The following KCNA6 variants were observed in gnomAD, a reference collection of about 807,000 sequenced individuals.
KCNA6 encodes human brain potassium channel-2.
In KCNA6, 17 loss-of-function variants were observed where a neutral mutation model predicts 29.5. The ratio of observed to expected loss-of-function variants is 0.58; its 90% CI spans 0.39 to 0.86. The LOEUF is 0.86. Ranked by LOEUF, KCNA6 falls within the 40% of genes least tolerant of loss-of-function variation. KCNA6 has a pLI of 0.00. For missense variants in KCNA6, 450 were observed against 703.4 expected, an observed-to-expected ratio of 0.64 and a Z score of 4.07; for synonymous variants, 296 against 304.7, an observed-to-expected ratio of 0.97 and a Z score of 0.30.
downstream of KCNA6, among the ~76,000 whole-genome samples, chr12:4,818,373 C>T (rs539424671): frequency 1.4e-4 from 21 of 152,334 alleles, no homozygotes; most frequent in African/African-American, 5.1e-4. Context: ...CAAATCCCTC[C>T]TTTGCTGGGT....
the KCNA6 span, among the ~76,000 whole-genome samples, chr12:4,835,787 C>G: frequency 6.6e-6 from 1 of 152,168 alleles, no homozygotes; most frequent in Non-Finnish European, 1.5e-5. Flanking sequence ...ATGTGTACCC[C>G]GACCTGCTGG....
chr12:4,840,215 C>CTA, the KCNA6 span, among the ~76,000 whole-genome samples: 1,043 of 32,630 alleles, frequency 0.032, 12 homozygotes, highest in East Asian at 0.062. Context: ...ATCTATCTAT[C>CTA]TATCTATCTA....
At chr12:4,825,538 C>A in the KCNA6 span, among the ~76,000 whole-genome samples, 2 of 152,300 alleles carry the variant, frequency 1.3e-5, no homozygotes, top group East Asian at 3.9e-4. Context: ...AAGCTTGTTG[C>A]AATGGATTTG....
chr12:4,850,867 C>T, the KCNA6 span: 1 of 441,580 alleles, frequency 2.3e-6, no homozygotes, highest in South Asian at 1.6e-5. The surrounding 1 kb of genome is among the most constrained non-coding windows in gnomAD (Gnocchi z 5.4). Context: ...CCTGACACCG[C>T]TCTGGAGGCC....
chr12:4,840,231 C>A, the KCNA6 span, among the ~76,000 whole-genome samples: 411 of 104,220 alleles, frequency 3.9e-3, 6 homozygotes, highest in Non-Finnish European at 4.4e-3. Context: ...ATCTATCTAT[C>A]TATCTATCTA....
the KCNA6 span, among the ~76,000 whole-genome samples, chr12:4,837,594 G>A: frequency 2.6e-4 from 39 of 152,098 alleles, no homozygotes; most frequent in Non-Finnish European, 5.7e-4. Flanking sequence ...CATGTTGGTG[G>A]GGAGGAATCC....
chr12:4,846,659 A>G, the KCNA6 span, among the ~76,000 whole-genome samples: 2 of 151,946 alleles, frequency 1.3e-5, no homozygotes, highest in African/African-American at 4.8e-5. Context: ...CCTACATGCA[A>G]ATGCACCAGG....
At chr12:4,833,317 T>C in the KCNA6 span, among the ~76,000 whole-genome samples, 1 of 152,186 alleles carries the variant, frequency 6.6e-6, no homozygotes, top group African/African-American at 2.4e-5. Flanking sequence ...GCATCTGTGG[T>C]CATCTCTAGG....
exon 1 of KCNA6, chr12:4,812,010 T>G (rs148113333): frequency 4.6e-4 from 97 of 211,644 alleles, no homozygotes; most frequent in Non-Finnish European, 7.2e-4. Context: ...GAGTCTTCGC[T>G]CCCTCCTTAG....
At chr12:4,822,098 G>A in the KCNA6 span, among the ~76,000 whole-genome samples, 2 of 152,196 alleles carry the variant, frequency 1.3e-5, no homozygotes, top group East Asian at 1.9e-4. Context: ...GCCTCCCAAA[G>A]TGTTGGGATT....
At chr12:4,843,973 A>G in the KCNA6 span, among the ~76,000 whole-genome samples, 1 of 152,212 alleles carries the variant, frequency 6.6e-6, no homozygotes, top group African/African-American at 2.4e-5. Context: ...TAAGGCTTCC[A>G]AGGAAAACCA....
At chr12:4,841,379 CCTT>C in the KCNA6 span, among the ~76,000 whole-genome samples, 1 of 151,700 alleles carries the variant, frequency 6.6e-6, no homozygotes, top group Non-Finnish European at 1.5e-5. Context: ...GTTTTTTTGT[CCTT>C]ATTTTATAAA....
chr12:4,850,719 T>C, the KCNA6 span: 1 of 411,642 alleles, frequency 2.4e-6, no homozygotes, highest in Non-Finnish European at 4.9e-6. This position sits in a 1 kb window ranked among gnomAD's most constrained non-coding sequence, Gnocchi z 5.4. Context: ...GTCCTTTTGT[T>C]CTGGTTCCTC....
rs1469329562 is a variant in KCNA6, at chr12:4,810,073, C to T, written c.32C>T (p.Ala11Val). 2 of 1,548,954 alleles carry T rather than the reference C, an allele frequency of 1.3e-6. No individual in the cohort carries two copies. The highest frequency in any genetic ancestry group is 1.8e-5 in the Admixed American group (1 of 55,588). The change falls in exon 1 of 1, where the codon GCG becomes GTG. Residue 11 changes from alanine to valine, a missense_variant. Ala to Val is a moderately conservative substitution (Grantham distance 64). Coordinates refer to ENST00000280684, the Ensembl canonical transcript of KCNA6. This position sits in a 1 kb window ranked among gnomAD's most constrained non-coding sequence, Gnocchi z 7.5. ...TCGGAGAAATCCCTTACGCTGGCGG[C>T]GCCGGGGGAGGTCCGTGGGCCGGAG...
chr12:4,851,053 A>AC, the KCNA6 span: 8 of 250,452 alleles, frequency 3.2e-5, no homozygotes, highest in East Asian at 5.5e-4. Flanking sequence ...TATGTTGCAG[A>AC]CCCCCCCAGG....
the KCNA6 span, among the ~76,000 whole-genome samples, chr12:4,829,838 C>T: frequency 6.6e-6 from 1 of 152,322 alleles, no homozygotes; most frequent in Admixed American, 6.5e-5. Flanking sequence ...CACCATTGAA[C>T]ATCGTAACAA....
the KCNA6 span, among the ~76,000 whole-genome samples, chr12:4,843,103 A>G: frequency 1.3e-5 from 2 of 152,146 alleles, no homozygotes; most frequent in African/African-American, 4.8e-5. Flanking sequence ...AGATAATTCA[A>G]TAGTCACTTC....
the KCNA6 span, among the ~76,000 whole-genome samples, chr12:4,838,318 G>T: frequency 6.6e-6 from 1 of 152,164 alleles, no homozygotes. Flanking sequence ...CTAAAGCTTT[G>T]CCTGCAGCCT....
At position 4,810,050 on chromosome 12, in the gene KCNA6, G is replaced by C; in HGVS notation, c.9G>C (p.Ser3=). 2 of 1,529,906 alleles carry C rather than the reference G, an allele frequency of 1.3e-6. No individual in the cohort carries two copies. Among genetic ancestry groups the C allele is most frequent in the Non-Finnish European group, 8.8e-7 (1 of 1,142,108 alleles). 94.8% of individuals were successfully genotyped at this position (1,529,906 alleles called of 1,614,324 possible). A position where few individuals can be genotyped will look rare whatever the true frequency, so the allele number is the denominator to read the frequency against. The change falls in exon 1 of 1, where the codon TCG becomes TCC. Residue 3 remains serine (S), a synonymous_variant. Transcript: ENST00000280684. This position sits in a 1 kb window ranked among gnomAD's most constrained non-coding sequence, Gnocchi z 7.5. The stretch of plus-strand genomic sequence containing the variant: ...CGCACCTCCGAGGGGGCATGAGATC[G>C]GAGAAATCCCTTACGCTGGCGGCGC...
Sources: gnomAD v4.1 joint callset for allele counts (sites outside exome capture counted in the v4.1 genomes callset) on GRCh38, gnomAD v4.1.1 for gene constraint, Gnocchi (gnomAD v3.1) non-coding constraint, MANE v1.5 for transcripts, NCBI Gene and HGNC (gene_info 2026-07-23, HGNC 2026-07-21) for gene names.